The following ARL6 variants were observed in gnomAD, a reference collection of about 807,000 sequenced individuals.
The protein encoded by ARL6 is ARF like GTPase 6, also known as ADP-ribosylation factor-like protein 6.
Under a neutral mutation model 27.1 loss-of-function variants are expected in ARL6, and 18 were observed. That is an observed-to-expected ratio of 0.66 (90% CI 0.46 to 0.98). ARL6 has a LOEUF of 0.98. ARL6 is among the 50% of genes least tolerant of loss of function. The pLI is 0.00. For missense variants in ARL6, 187 were observed against 214.9 expected (o/e 0.87, Z 0.81); for synonymous variants, 65 against 72.3 (o/e 0.90, Z 0.51).
chr3:97,790,051 T>TTGTGTGTGTGTGTG (rs3058067), intron 6 of ARL6, among the ~76,000 whole-genome samples: 23 of 137,152 alleles, frequency 1.7e-4, no homozygotes, highest in African/African-American at 4.6e-4. Context: ...GGCATCATGA[T>TTGTGTGTGTGTGTG]TGTGTGTGTG....
rs968046126 is a variant in ARL6, at chr3:97,801,132, C to G, written c.*3083C>G. The G allele has an allele frequency of 1.3e-5, 2 of 152,094 alleles. No homozygotes were observed. The highest frequency in any genetic ancestry group is 2.9e-5 in the Non-Finnish European group (2 of 68,006). The allele number at this position is 152,094 out of a possible 1,614,324, so 9.4% of individuals were successfully genotyped here. On this transcript the variant is annotated 3_prime_UTR_variant, in exon 8 of 8. Coordinates refer to ENST00000463745, the MANE Select transcript of ARL6 (RefSeq NM_001278293.3). ...TAACTGAGTTTGTACCTATTTTCTG[C>G]TTTCTGATTATTTCCTTTGTTCATG...
At chr3:97,770,594 T>A (rs1247063655) in intron 2 of ARL6, among the ~76,000 whole-genome samples, 1 of 152,144 alleles carries the variant, frequency 6.6e-6, no homozygotes, top group Admixed American at 6.5e-5. Context: ...TTCTGAGGTC[T>A]TACTGCCCAA....
intron 2 of ARL6, among the ~76,000 whole-genome samples, chr3:97,773,992 TC>T (rs1205557573): frequency 6.6e-6 from 1 of 152,212 alleles, no homozygotes; most frequent in Non-Finnish European, 1.5e-5. Flanking sequence ...TGTTGTAGTT[TC>T]CCATTGACCT....
intron 5 of ARL6, among the ~76,000 whole-genome samples, chr3:97,787,432 G>A (rs1039007108): frequency 6.6e-6 from 1 of 152,140 alleles, no homozygotes; most frequent in Non-Finnish European, 1.5e-5. Context: ...CATTGTCCTA[G>A]GACAAAGTTA....
At chr3:97,780,476 A>G (rs1318768785) in intron 3 of ARL6, 139 bp from the exon 4 acceptor site, 4 of 775,136 alleles carry the variant, frequency 5.2e-6, no homozygotes, top group Admixed American at 4.8e-5. Flanking sequence ...CATTTATTTC[A>G]TAGAACTTTT....
chr3:97,785,753 G>C (rs62264182), intron 5 of ARL6, among the ~76,000 whole-genome samples: 1 of 151,820 alleles, frequency 6.6e-6, no homozygotes, highest in Non-Finnish European at 1.5e-5. Context: ...CTTTCCTCCC[G>C]CCCAAGCCCC....
rs1254570327 is a variant in ARL6, at chr3:97,782,064, A to T, written c.254+1381A>T. ...GACTTCTGAGAGAGAGGGAAAAGAG[A>T]GTGCTTCAGATTCGAGGGTTAGTTT... On this transcript the variant is annotated intron_variant, in intron 4 of 7. Transcript: ENST00000463745. Among the ~76,000 whole-genome samples, 5 of 151,924 alleles carry T rather than the reference A, an allele frequency of 3.3e-5. No homozygotes were observed. The East Asian group carries it at 9.7e-4, about 29-fold the overall frequency.
chr3:97,784,824 C>T, intron 4 of ARL6, 131 bp from the exon 5 acceptor site: 2 of 595,220 alleles, frequency 3.4e-6, no homozygotes, highest in Non-Finnish European at 6.0e-6. Flanking sequence ...GAAACAACAC[C>T]AAAAATTCTA....
chr3:97,781,874 A>G (rs1031493036), intron 4 of ARL6, among the ~76,000 whole-genome samples: 2 of 152,054 alleles, frequency 1.3e-5, no homozygotes, highest in African/African-American at 2.4e-5. Flanking sequence ...GGTATGTGAT[A>G]TTTACCAGAT....
At chr3:97,769,099 A>T (rs2036522456) in intron 2 of ARL6, among the ~76,000 whole-genome samples, 1 of 152,148 alleles carries the variant, frequency 6.6e-6, no homozygotes. Flanking sequence ...CCTTGCAAAA[A>T]AATAGTGCCC....
intron 4 of ARL6, among the ~76,000 whole-genome samples, chr3:97,781,794 A>G (rs2037213500): frequency 1.3e-5 from 2 of 152,122 alleles, no homozygotes; most frequent in Non-Finnish European, 2.9e-5. Context: ...TCACTTTTAG[A>G]GTCTGAAACT....
intron 5 of ARL6, 106 bp downstream of exon 5, chr3:97,785,155 A>G (rs1020664843): frequency 2.6e-5 from 22 of 854,820 alleles, no homozygotes; most frequent in Non-Finnish European, 3.9e-5. Context: ...TTCATTTAAA[A>G]TTTTTGAATT....
At position 97,799,112 on chromosome 3, in the gene ARL6, A is replaced by G. The variant is rs963856424; in HGVS notation, c.*1063A>G. The stretch of plus-strand genomic sequence containing the variant: ...CATTTTAATCACTGAGCAACAGTAT[A>G]TAGAGCAATATTGTTGATCCTGATA... On this transcript the variant is annotated 3_prime_UTR_variant, in exon 8 of 8. Transcript: ENST00000463745. 1 of 152,076 alleles carries G rather than the reference A, an allele frequency of 6.6e-6. No homozygotes were observed. Among genetic ancestry groups the G allele is most frequent in the African/African-American group, 2.4e-5 (1 of 41,452 alleles). The allele number at this position is 152,076 out of a possible 1,614,324, so 9.4% of individuals were successfully genotyped here.
intron 4 of ARL6, 42 bp downstream of exon 4, chr3:97,780,725 CTAA>C (rs766922535): frequency 7.0e-7 from 1 of 1,432,558 alleles, no homozygotes; most frequent in African/African-American, 1.4e-5. Flanking sequence ...ATGGTTTTTA[CTAA>C]TAATAATGAT....
Position 97,798,793 on chromosome 3 carries a change from T to C in ARL6, c.*744T>C, listed in dbSNP as rs1044613247. 6.6e-6 allele frequency: 1 copy of C among 152,104 alleles called. No homozygotes were observed. The highest frequency in any genetic ancestry group is 6.6e-5 in the Admixed American group (1 of 15,262). 9.4% of individuals were successfully genotyped at this position (152,104 alleles called of 1,614,324 possible). ...AATTTGAGAACCTTTCCATGGATAG[T>C]ATCTAATTTTATTTCATTGGCTGAA... On this transcript the variant is annotated 3_prime_UTR_variant, in exon 8 of 8. Transcript: ENST00000463745.
chr3:97,799,825 T>C lies in ARL6; in HGVS notation c.*1776T>C, dbSNP rs1050977552. The C allele has an allele frequency of 2.0e-5, 3 of 152,132 alleles. No individual in the cohort carries two copies. Among genetic ancestry groups the C allele is most frequent in the Non-Finnish European group, 2.9e-5 (2 of 67,976 alleles). 9.4% of individuals were successfully genotyped at this position (152,132 alleles called of 1,614,324 possible). A position where few individuals can be genotyped will look rare whatever the true frequency, so the allele number is the denominator to read the frequency against. On this transcript the variant is annotated 3_prime_UTR_variant, in exon 8 of 8. Transcript: ENST00000463745. ...TGGTAAGTCTGGTACTAGGATTCAG[T>C]ACCAAGCAGTCTGTTTTAAGACAGA...
At chr3:97,792,182 G>C (rs1205559256) in intron 7 of ARL6, among the ~76,000 whole-genome samples, 1 of 152,160 alleles carries the variant, frequency 6.6e-6, no homozygotes. Context: ...AAATAAGTCT[G>C]AATGACATGT....
intron 7 of ARL6, 126 bp from the exon 8 acceptor site, chr3:97,797,895 AAAT>A (rs2038079084): frequency 6.7e-6 from 6 of 895,864 alleles, no homozygotes; most frequent in Admixed American, 2.2e-5. Flanking sequence ...TATCTCTAAA[AAAT>A]AATAATAACA....
At chr3:97,794,359 C>T (rs959327057) in intron 7 of ARL6, among the ~76,000 whole-genome samples, 8 of 151,836 alleles carry the variant, frequency 5.3e-5, no homozygotes, top group African/African-American at 1.9e-4. Context: ...ATTACAGGTG[C>T]CTGCCACCAT....
Sources: allele counts gnomAD v4.1 joint callset (sites outside exome capture counted in the v4.1 genomes callset), GRCh38; gene constraint gnomAD v4.1.1; transcripts MANE v1.5; gene names NCBI Gene and HGNC (gene_info 2026-07-23, HGNC 2026-07-21).